The following RGSL1 variants were observed in gnomAD, a reference collection of about 807,000 sequenced individuals.
The protein encoded by RGSL1 is regulator of G protein signaling like 1, also known as regulator of G protein signaling protein-like.
RGSL1 carries 97 observed loss-of-function variants against 124.7 expected under a neutral mutation model. The observed-to-expected ratio is 0.78, with a 90% CI of 0.66 to 0.92. The LOEUF is 0.92. RGSL1 is among the 40% of genes least tolerant of loss of function. The pLI is 0.00. For synonymous variants in RGSL1, 424 were observed against 438.1 expected (o/e 0.97, Z 0.40); for missense variants, 1,233 against 1,288.4 (o/e 0.96, Z 0.66).
intron 9 of RGSL1, among the ~76,000 whole-genome samples, chr1:182,497,361 A>T (rs991139126): frequency 8.1e-5 from 12 of 148,026 alleles, no homozygotes; most frequent in South Asian, 2.1e-4. Context: ...CTGATATAAA[A>T]ATATATATAT....
chr1:182,469,416 C>T (rs1025331452), intron 4 of RGSL1, among the ~76,000 whole-genome samples: 1 of 152,132 alleles, frequency 6.6e-6, no homozygotes, highest in Non-Finnish European at 1.5e-5. Context: ...TGAAAAGATG[C>T]TCTACGGGAC....
intron 15 of RGSL1, among the ~76,000 whole-genome samples, chr1:182,540,939 C>G (rs1659853805): frequency 6.6e-6 from 1 of 152,010 alleles, no homozygotes; most frequent in African/African-American, 2.4e-5. Context: ...ATAGACTATA[C>G]CCCAAAAGCT....
intron 17 of RGSL1, chr1:182,550,868 C>G (rs1217997690): frequency 3.9e-6 from 2 of 515,184 alleles, no homozygotes; most frequent in Non-Finnish European, 6.9e-6. Flanking sequence ...CAGAAAGAAG[C>G]CCCAACAAAC....
chr1:182,513,071 G>T (rs181922972), intron 9 of RGSL1, among the ~76,000 whole-genome samples: 28 of 152,348 alleles, frequency 1.8e-4, no homozygotes, highest in Non-Finnish European at 3.4e-4. Context: ...TCCCATTTAG[G>T]GTTGTAGGTT....
At position 182,475,842 on chromosome 1, in the gene RGSL1, C is replaced by A. The variant is rs975707396; in HGVS notation, c.1431+1300C>A. Reference sequence around the variant, plus strand: ...TCTGGAGGAGCAAATAGATAAAAAACATCAAATTATTTAGTGCATTATAAC... The same window carrying A: ...TCTGGAGGAGCAAATAGATAAAAAAAATCAAATTATTTAGTGCATTATAAC... On this transcript the variant is annotated intron_variant, in intron 6 of 21. Coordinates refer to ENST00000294854, the MANE Select transcript of RGSL1 (RefSeq NM_001137669.2). 1.1e-4 allele frequency among the ~76,000 whole-genome samples: 17 copies of A among 152,326 alleles called. No homozygotes were observed. The East Asian group carries it at 3.3e-3, about 29-fold the overall frequency.
chr1:182,459,186 T>G (rs1281515023), intron 3 of RGSL1, among the ~76,000 whole-genome samples: 2 of 152,230 alleles, frequency 1.3e-5, no homozygotes, highest in Non-Finnish European at 1.5e-5. Context: ...TCTCTGCAAT[T>G]TCTAGTGACT....
intron 19 of RGSL1, 53 bp from the exon 20 acceptor site, chr1:182,554,574 A>T: frequency 3.3e-6 from 5 of 1,499,162 alleles, no homozygotes; most frequent in Non-Finnish European, 4.5e-6. Flanking sequence ...CCTTTCAGTG[A>T]CTGCGTCTAT....
rs549871782 is a variant in RGSL1 at position 182,473,365 on chromosome 1, G to A, written c.464-210G>A. ...TCCCATAGCATGGCTTATTTCTATG[G>A]AGAATAAGATAAAGGGATCCCTGTG... On this transcript the variant is annotated intron_variant, in intron 5 of 21. Transcript: ENST00000294854. Among the ~76,000 whole-genome samples, 5 of 152,166 alleles carry A rather than the reference G, an allele frequency of 3.3e-5. No homozygotes were observed. In the South Asian group the frequency reaches 1.0e-3, roughly 32 times the overall value.
chr1:182,458,056 C>T (rs191026812), intron 2 of RGSL1, among the ~76,000 whole-genome samples: 5 of 152,312 alleles, frequency 3.3e-5, no homozygotes, highest in East Asian at 1.9e-4. Context: ...GCTCTCAGGT[C>T]GGCTCAGGCT....
intron 11 of RGSL1, among the ~76,000 whole-genome samples, chr1:182,529,132 G>A (rs1658974538): frequency 6.6e-6 from 1 of 152,168 alleles, no homozygotes; most frequent in South Asian, 2.1e-4. Flanking sequence ...TATCACTAGT[G>A]AAAGGAGCCA....
chr1:182,530,273 A>G lies in RGSL1; in HGVS notation c.2155A>G (p.Ile719Val), dbSNP rs1659069498. 4 of 1,550,982 alleles carry G rather than the reference A, an allele frequency of 2.6e-6. No homozygotes were observed. Among genetic ancestry groups the G allele is most frequent in the Non-Finnish European group, 3.5e-6 (4 of 1,146,500 alleles). The change falls in exon 12 of 22, where the codon ATC becomes GTC. Residue 719 changes from isoleucine to valine, a missense_variant. Physicochemically the swap from Ile to Val is conservative, Grantham distance 29 (BLOSUM62 3). Transcript: ENST00000294854. ...EEMLQCDAPI[I>V]KEIASMRHVT... Reference sequence around the variant, plus strand: ...AATGCTGCAGTGTGATGCCCCTATTATCAAAGAAATCGCTTCCATGCGTCA... The same window carrying G: ...AATGCTGCAGTGTGATGCCCCTATTGTCAAAGAAATCGCTTCCATGCGTCA...
At chr1:182,528,484 A>C (rs1658923601) in intron 11 of RGSL1, among the ~76,000 whole-genome samples, 1 of 152,206 alleles carries the variant, frequency 6.6e-6, no homozygotes, top group South Asian at 2.1e-4. Context: ...TGAGCCTGTA[A>C]AATCGAAAGC....
At position 182,540,295 on chromosome 1, in the gene RGSL1, C is replaced by G. The variant is rs1344869037; in HGVS notation, c.2543C>G (p.Thr848Arg). 1 of 1,551,476 alleles carries G rather than the reference C, an allele frequency of 6.4e-7. No homozygotes were observed. The highest frequency in any genetic ancestry group is 2.0e-5 in the Admixed American group (1 of 50,958). Residue 848 changes from threonine to arginine, a missense_variant, in exon 15 of 22, where the codon ACA (threonine) becomes AGA (arginine). By Grantham distance (71) the Thr-to-Arg change is moderately conservative. Coordinates refer to ENST00000294854, the MANE Select transcript of RGSL1 (RefSeq NM_001137669.2). Reference sequence around the variant, plus strand: ...TCGGGACGTTCAGCTCCACCCTCCACAAATGTCCGGAGTGCAGACCAAGAG... The same window carrying G: ...TCGGGACGTTCAGCTCCACCCTCCAGAAATGTCCGGAGTGCAGACCAAGAG... ...NTSGRSAPPS[T>R]NVRSADQENG...
In RGSL1 at chr1:182,528,142, A is replaced by G. The variant is rs572201024; in HGVS notation, c.2125+370A>G. Among the ~76,000 whole-genome samples, 42 of 152,108 alleles carry G rather than the reference A, an allele frequency of 2.8e-4. 1 individual carries two copies. The highest frequency in any genetic ancestry group is 3.4e-4 in the Non-Finnish European group (23 of 68,012). On this transcript the variant is annotated intron_variant, in intron 11 of 21. Coordinates refer to ENST00000294854, the MANE Select transcript of RGSL1 (RefSeq NM_001137669.2). ...GCAGCAAGAGAGAGAATGAGTGCCA[A>G]ATGAAGGGGGAAGCCCCTTGTAAAA...
chr1:182,548,632 G>A (rs1660369928), intron 16 of RGSL1, 68 bp from the exon 17 acceptor site: 1 of 1,538,118 alleles, frequency 6.5e-7, no homozygotes, highest in Admixed American at 2.0e-5. Flanking sequence ...GGGGTTCTGG[G>A]GGCCAGGAGA....
intron 4 of RGSL1, among the ~76,000 whole-genome samples, chr1:182,468,105 A>C (rs1478671677): frequency 2.0e-5 from 3 of 152,258 alleles, no homozygotes; most frequent in Non-Finnish European, 4.4e-5. Flanking sequence ...GATCATTAAA[A>C]AGTCAGGAAA....
chr1:182,506,900 T>G (rs1427760760), intron 9 of RGSL1, among the ~76,000 whole-genome samples: 1 of 151,980 alleles, frequency 6.6e-6, no homozygotes, highest in Non-Finnish European at 1.5e-5. Flanking sequence ...ACTGGAACAA[T>G]TAACATTCTT....
Position 182,493,066 on chromosome 1 carries a change from A to C in RGSL1, c.1762A>C (p.Lys588Gln), listed in dbSNP as rs188924884. The part of the protein sequence containing the change: ...SFEELCYKNP[K>Q]MAIQKISDDY... The stretch of plus-strand genomic sequence containing the variant: ...TGAGGAGCTTTGCTACAAGAACCCA[A>C]AGATGGCCATACAGAAGATCAGTGA... Residue 588 changes from lysine (K) to glutamine (Q), a missense_variant, in exon 9 of 22, where the codon AAG becomes CAG. Transcript: ENST00000294854. 2.4e-5 allele frequency: 38 copies of C among 1,551,710 alleles called. No homozygotes were observed. The highest frequency in any genetic ancestry group is 1.9e-5 in the Non-Finnish European group (22 of 1,146,988).
chr1:182,487,273 A>G (rs138079812), intron 6 of RGSL1, among the ~76,000 whole-genome samples: 145 of 152,268 alleles, frequency 9.5e-4, no homozygotes, highest in African/African-American at 3.3e-3. Context: ...CTTAAAAATT[A>G]CTATCAACAA....
Sources: gnomAD v4.1 joint callset for allele counts (sites outside exome capture counted in the v4.1 genomes callset) on GRCh38, gnomAD v4.1.1 for gene constraint, MANE v1.5 for transcripts, NCBI Gene and HGNC (gene_info 2026-07-23, HGNC 2026-07-21) for gene names.